Variants in MAGI2 observed in about 807,000 individuals in gnomAD.
MAGI2 encodes membrane-associated guanylate kinase, WW and PDZ domain-containing protein 2.
In MAGI2, 35 loss-of-function variants were observed where a neutral mutation model predicts 133.3. The ratio of observed to expected loss-of-function variants is 0.26; its 90% confidence interval spans 0.20 to 0.35. The LOEUF (loss-of-function observed/expected upper bound fraction) is 0.35. Ranked by LOEUF, MAGI2 falls within the 10% of genes least tolerant of loss-of-function variation. The pLI, the probability that MAGI2 is intolerant of heterozygous loss-of-function variation, is 1.00. For missense variants in MAGI2, 1,636 were observed against 1,863.4 expected (o/e 0.88, Z 2.25); for synonymous variants, 729 against 710.6 (o/e 1.03, Z -0.41).
intron 1 of MAGI2, among the ~76,000 whole-genome samples, chr7:79,403,155 A>C (rs922589624): frequency 2.6e-5 from 4 of 152,204 alleles, no homozygotes; most frequent in Non-Finnish European, 5.9e-5. Flanking sequence ...TGTATAATAA[A>C]AATTAGAGGA....
chr7:78,336,899 G>T (rs1320409050), intron 9 of MAGI2, among the ~76,000 whole-genome samples: 2 of 152,104 alleles, frequency 1.3e-5, no homozygotes. Context: ...CTAAAGGAAG[G>T]CAAATAAAAA....
intron 1 of MAGI2, among the ~76,000 whole-genome samples, chr7:79,386,584 T>C (rs553762438): frequency 2.6e-5 from 4 of 152,232 alleles, no homozygotes; most frequent in Admixed American, 2.0e-4. Context: ...AGCCAAGCTA[T>C]AGTTACTCTA....
intron 1 of MAGI2, among the ~76,000 whole-genome samples, chr7:79,304,479 G>T (rs1837635764): frequency 6.6e-6 from 1 of 152,004 alleles, no homozygotes; most frequent in South Asian, 2.1e-4. Flanking sequence ...TCCCAGAAAA[G>T]ATAATTTGGC....
At chr7:78,546,767 G>C (rs11524632) in intron 3 of MAGI2, among the ~76,000 whole-genome samples, 9,739 of 152,166 alleles carry the variant, frequency 0.064, 433 homozygotes, top group Non-Finnish European at 0.098. Flanking sequence ...GCTTAAAGCT[G>C]TTTTGTGCCA....
chr7:78,656,961 C>G (rs1812356662), intron 2 of MAGI2, among the ~76,000 whole-genome samples: 1 of 140,564 alleles, frequency 7.1e-6, no homozygotes, highest in Non-Finnish European at 1.6e-5. Context: ...TCTTAAAACT[C>G]AACAATAAGA....
intron 1 of MAGI2, among the ~76,000 whole-genome samples, chr7:79,137,283 A>G (rs192734976): frequency 6.6e-6 from 1 of 152,016 alleles, no homozygotes; most frequent in Non-Finnish European, 1.5e-5. Flanking sequence ...AAACACTAAC[A>G]ATTTTCATAG....
intron 2 of MAGI2, among the ~76,000 whole-genome samples, chr7:78,672,682 G>A (rs959295118): frequency 3.1e-4 from 47 of 152,174 alleles, no homozygotes; most frequent in Non-Finnish European, 1.6e-4. Context: ...CACAGGCCAG[G>A]AGAATCAGTT....
At chr7:78,907,790 C>G (rs554286343) in intron 2 of MAGI2, among the ~76,000 whole-genome samples, 31 of 152,184 alleles carry the variant, frequency 2.0e-4, no homozygotes, top group Non-Finnish European at 3.2e-4. Flanking sequence ...TAAACCGTGT[C>G]TAATAAGCCA....
chr7:78,557,080 C>CAA lies in MAGI2; in HGVS notation c.539-35437_539-35436dup, dbSNP rs796371005. ...TACTCCAGCCTGGGTGGCAGAGTCT[C>CAA]AAAAAAAAAAAAAAAAAAAAGAAAA... On this transcript the variant is annotated intron_variant, in intron 3 of 21. Transcript: ENST00000354212. 1.7e-3 allele frequency among the ~76,000 whole-genome samples: 69 copies of CAA among 40,794 alleles called. 2 individuals carry two copies. Among genetic ancestry groups the CAA allele is most frequent in the African/African-American group, 4.8e-3 (41 of 8,572 alleles). 26.8% of individuals were successfully genotyped at this position (40,794 alleles called of 152,430 possible). A position where few individuals can be genotyped will look rare whatever the true frequency, so the allele number is the denominator to read the frequency against.
At chr7:79,066,378 G>A (rs1814333260) in intron 1 of MAGI2, among the ~76,000 whole-genome samples, 1 of 150,938 alleles carries the variant, frequency 6.6e-6, no homozygotes, top group South Asian at 2.1e-4. Context: ...TTTGAGAAGT[G>A]TCTGTTCATA....
At chr7:78,109,991 C>T (rs1819192197) in intron 20 of MAGI2, among the ~76,000 whole-genome samples, 1 of 152,144 alleles carries the variant, frequency 6.6e-6, no homozygotes, top group Non-Finnish European at 1.5e-5. Flanking sequence ...CCAGCCCCTG[C>T]TCAGGCCTGA....
intron 10 of MAGI2, among the ~76,000 whole-genome samples, chr7:78,227,997 C>T (rs1227299681): frequency 6.6e-6 from 1 of 152,160 alleles, no homozygotes; most frequent in Non-Finnish European, 1.5e-5. Flanking sequence ...GCTACATGAT[C>T]TCTGTTGCAA....
chr7:79,411,192 T>C (rs997007435), intron 1 of MAGI2: 6 of 152,130 alleles, frequency 3.9e-5, no homozygotes, highest in Non-Finnish European at 8.8e-5. Flanking sequence ...CTTAACCTTC[T>C]TGAGCTTTGT....
chr7:79,015,817 T>A (rs146190863), intron 1 of MAGI2, among the ~76,000 whole-genome samples: 4 of 152,036 alleles, frequency 2.6e-5, no homozygotes, highest in Non-Finnish European at 5.9e-5. Context: ...TTGTTATACA[T>A]GTACAGCATC....
chr7:78,129,537 A>G (rs1821330392), intron 18 of MAGI2, among the ~76,000 whole-genome samples: 1 of 152,242 alleles, frequency 6.6e-6, no homozygotes, highest in South Asian at 2.1e-4. Context: ...GATTTTAGAA[A>G]TGATAAAACC....
At chr7:78,222,110 G>A (rs183735267) in intron 10 of MAGI2, among the ~76,000 whole-genome samples, 1 of 151,962 alleles carries the variant, frequency 6.6e-6, no homozygotes, top group Non-Finnish European at 1.5e-5. Context: ...CAGGAGAGAT[G>A]AGAGGTTTAT....
intron 9 of MAGI2, among the ~76,000 whole-genome samples, chr7:78,274,618 T>G (rs1208625485): frequency 1.3e-5 from 2 of 152,092 alleles, no homozygotes; most frequent in African/African-American, 4.8e-5. Flanking sequence ...GCTGCCTTTT[T>G]TTTTTAGAGA....
intron 1 of MAGI2, among the ~76,000 whole-genome samples, chr7:79,032,519 GA>G (rs34049134): frequency 0.35 from 41,486 of 118,000 alleles, 5,964 homozygotes; most frequent in Middle Eastern, 0.46. Flanking sequence ...CTCTGACTCA[GA>G]AAAAAAAAAA....
chr7:78,652,187 C>T (rs2151016436), intron 2 of MAGI2, among the ~76,000 whole-genome samples: 1 of 152,240 alleles, frequency 6.6e-6, no homozygotes, highest in South Asian at 2.1e-4. Context: ...TAAGATTTTA[C>T]ATATGTGAAT....
Sources: gnomAD v4.1 joint callset for allele counts (sites outside exome capture counted in the v4.1 genomes callset) on GRCh38, gnomAD v4.1.1 for gene constraint, MANE v1.5 for transcripts, NCBI Gene and HGNC (gene_info 2026-07-23, HGNC 2026-07-21) for gene names.